PDE1C: variants seen among roughly 807,000 people sequenced by gnomAD.
The protein encoded by PDE1C is dual specificity calcium/calmodulin-dependent 3',5'-cyclic nucleotide phosphodiesterase 1C.
In PDE1C, 62 loss-of-function variants were observed where a neutral mutation model predicts 93.1. That is an observed-to-expected ratio of 0.67 (90% confidence interval 0.54 to 0.82). The LOEUF (loss-of-function observed/expected upper bound fraction) is 0.82. Among genes scored for constraint, PDE1C ranks in the 40% least tolerant of loss-of-function variants. The probability of loss-of-function intolerance (pLI) is 0.00; values close to 1 mark genes in which losing one functional copy is unlikely to be tolerated. For missense variants in PDE1C, 742 were observed against 884.6 expected, an observed-to-expected ratio of 0.84 and a Z score of 2.04; for synonymous variants, 325 against 310.1, an observed-to-expected ratio of 1.05 and a Z score of -0.50.
At chr7:32,321,865 A>T (rs1783298063) in intron 1 of PDE1C, among the ~76,000 whole-genome samples, 1 of 152,148 alleles carries the variant, frequency 6.6e-6, no homozygotes, top group Non-Finnish European at 1.5e-5. Flanking sequence ...AATCTCCTTA[A>T]TCCAGCCCAC....
chr7:31,898,121 G>C (rs1341770979), intron 2 of PDE1C, among the ~76,000 whole-genome samples: 1 of 151,656 alleles, frequency 6.6e-6, no homozygotes, highest in African/African-American at 2.4e-5. Flanking sequence ...TTTTAAAAGA[G>C]AATAATTGAA....
At chr7:32,010,275 G>A (rs1786900651) in intron 2 of PDE1C, among the ~76,000 whole-genome samples, 1 of 152,188 alleles carries the variant, frequency 6.6e-6, no homozygotes, top group Non-Finnish European at 1.5e-5. Flanking sequence ...AAGGCAGATT[G>A]GTATTAGCAT....
chr7:31,947,560 T>C (rs1264509422), intron 2 of PDE1C, among the ~76,000 whole-genome samples: 1 of 152,200 alleles, frequency 6.6e-6, no homozygotes, highest in African/African-American at 2.4e-5. Flanking sequence ...AGGCCTTCCC[T>C]ATAGGAGCAG....
chr7:31,989,525 C>T (rs373888898), intron 2 of PDE1C, among the ~76,000 whole-genome samples: 1 of 152,226 alleles, frequency 6.6e-6, no homozygotes, highest in East Asian at 1.9e-4. Context: ...TTCCATTTGG[C>T]GTATATATAT....
At chr7:31,825,992 T>C (rs1395686597) in intron 12 of PDE1C, among the ~76,000 whole-genome samples, 1 of 152,050 alleles carries the variant, frequency 6.6e-6, no homozygotes, top group African/African-American at 2.4e-5. Flanking sequence ...AACTATACCT[T>C]TGTATAGTGA....
At chr7:32,177,489 C>T (rs963535569) in intron 2 of PDE1C, among the ~76,000 whole-genome samples, 2 of 152,176 alleles carry the variant, frequency 1.3e-5, no homozygotes, top group Admixed American at 6.5e-5. Context: ...CCTCAGGCAG[C>T]AGTCCTCCTC....
chr7:31,892,501 C>G (rs1798768348), intron 2 of PDE1C, among the ~76,000 whole-genome samples: 2 of 152,172 alleles, frequency 1.3e-5, no homozygotes, highest in Admixed American at 6.5e-5. Flanking sequence ...ATATGAAGCA[C>G]GATTTGCATC....
In PDE1C at chr7:32,183,259, A is replaced by C. The variant is rs373756068; in HGVS notation, c.137-13303T>G. Among the ~76,000 whole-genome samples, 964 of 152,268 alleles carry C rather than the reference A, an allele frequency of 6.3e-3. 5 individuals carry two copies. Among genetic ancestry groups the C allele is most frequent in the African/African-American group, 0.022 (896 of 41,540 alleles). On this transcript the variant is annotated intron_variant, in intron 2 of 18. Coordinates refer to the PDE1C transcript ENST00000396193. ...TTTATAGATTCAATGCCATCCCCAT[A>C]AAGCTACCAATGACTTTCTTCACAG...
chr7:32,177,339 G>T (rs147720469), intron 2 of PDE1C, among the ~76,000 whole-genome samples: 1 of 152,152 alleles, frequency 6.6e-6, no homozygotes, highest in Non-Finnish European at 1.5e-5. Context: ...ATGTCAAGTC[G>T]TCATCCCGTG....
At chr7:32,300,883 G>C (rs1332551073), upstream of PDE1C, among the ~76,000 whole-genome samples, 1 of 151,844 alleles carries the variant, frequency 6.6e-6, no homozygotes, top group Non-Finnish European at 1.5e-5. Context: ...TGCTGCCCAG[G>C]CTGGAGTGCA....
intron 11 of PDE1C, among the ~76,000 whole-genome samples, chr7:31,836,731 C>A (rs150977834): frequency 6.6e-6 from 1 of 152,092 alleles, no homozygotes; most frequent in Non-Finnish European, 1.5e-5. Context: ...TTCCTGACCC[C>A]AAATTGCCAC....
chr7:31,830,368 T>C (rs12701141), intron 11 of PDE1C, among the ~76,000 whole-genome samples: 42,034 of 152,046 alleles, frequency 0.28, 6,063 homozygotes, highest in Middle Eastern at 0.45. Flanking sequence ...AAAGTCTCTA[T>C]TTACACAAAG....
intron 3 of PDE1C, among the ~76,000 whole-genome samples, chr7:32,129,414 T>C (rs533432982): frequency 7.8e-6 from 1 of 128,986 alleles, no homozygotes; most frequent in African/African-American, 3.5e-5. Flanking sequence ...AATTTTATTT[T>C]TGATTAACTT....
chr7:31,696,078 G>C, the PDE1C span: 1 of 152,744 alleles, frequency 6.5e-6, no homozygotes. Flanking sequence ...CAGACAATGA[G>C]GTAAGCTGGG....
intron 2 of PDE1C, among the ~76,000 whole-genome samples, chr7:31,968,215 G>A (rs544255544): frequency 4.7e-4 from 71 of 152,222 alleles, no homozygotes; most frequent in African/African-American, 1.1e-3. Context: ...AAACCCCATC[G>A]TCTCAGCCCA....
intron 3 of PDE1C, among the ~76,000 whole-genome samples, chr7:32,124,102 A>C (rs528685263): frequency 6.6e-6 from 1 of 152,330 alleles, no homozygotes; most frequent in East Asian, 1.9e-4. Flanking sequence ...ACTCCTATTC[A>C]TAATTGCTAC....
chr7:32,220,410 T>A (rs117006928), intron 1 of PDE1C, among the ~76,000 whole-genome samples: 3,008 of 152,300 alleles, frequency 0.02, 48 homozygotes, highest in South Asian at 0.04. Flanking sequence ...AAAAGTTAAG[T>A]CACTTTCCCA....
At chr7:31,818,566 A>G (rs1788556918) in intron 14 of PDE1C, among the ~76,000 whole-genome samples, 2 of 152,210 alleles carry the variant, frequency 1.3e-5, no homozygotes, top group African/African-American at 4.8e-5. Context: ...TCCTCAGCAA[A>G]TTAAACAGGC....
intron 5 of PDE1C, 32 bp from the exon 6 acceptor site, chr7:31,873,440 T>C (rs2128864741): frequency 1.5e-6 from 2 of 1,361,516 alleles, no homozygotes; most frequent in Admixed American, 1.7e-5. Flanking sequence ...AAGAACACAT[T>C]AGCCCACAGA....
Sources: gnomAD v4.1 joint callset for allele counts (sites outside exome capture counted in the v4.1 genomes callset) on GRCh38, gnomAD v4.1.1 for gene constraint, MANE v1.5 for transcripts, NCBI Gene and HGNC (gene_info 2026-07-23, HGNC 2026-07-21) for gene names.